The following RIMBP2 variants were observed in gnomAD, a reference collection of about 807,000 sequenced individuals.
The protein encoded by RIMBP2 is RIMS-binding protein 2.
In RIMBP2, 48 loss-of-function variants were observed where a neutral mutation model predicts 118.6. The ratio of observed to expected loss-of-function variants is 0.40; its 90% CI spans 0.32 to 0.51. The LOEUF (loss-of-function observed/expected upper bound fraction) is 0.51, where lower values mean the gene tolerates loss of function less well. RIMBP2 is among the 20% of genes least tolerant of loss of function. RIMBP2 has a pLI of 0.41. For missense variants in RIMBP2, 1,551 were observed against 1,768.3 expected (o/e 0.88, Z 2.20); for synonymous variants, 762 against 742.9 (o/e 1.03, Z -0.42).
chr12:130,636,382 ATG>A (rs2062350263), intron 1 of RIMBP2, among the ~76,000 whole-genome samples: 1 of 152,096 alleles, frequency 6.6e-6, no homozygotes, highest in Non-Finnish European at 1.5e-5. Flanking sequence ...TGGCGGTTGT[ATG>A]TATCTTATTT....
At chr12:130,712,899 C>T (rs755776664) in intron 1 of RIMBP2, among the ~76,000 whole-genome samples, 3 of 151,998 alleles carry the variant, frequency 2.0e-5, no homozygotes, top group Admixed American at 1.3e-4. Context: ...CACCGCAGTA[C>T]GCATGGTCTT....
chr12:130,479,401 TGTGTGCCCAGCACTG>T (rs2081750139), intron 4 of RIMBP2, among the ~76,000 whole-genome samples: 1 of 152,244 alleles, frequency 6.6e-6, no homozygotes, highest in Admixed American at 6.5e-5. Flanking sequence ...GATGCTGCCC[TGTGTGCCCAGCACTG>T]GTTCAGGGTT....
At chr12:130,600,696 TAC>T (rs1360288302) in intron 2 of RIMBP2, among the ~76,000 whole-genome samples, 1 of 152,148 alleles carries the variant, frequency 6.6e-6, no homozygotes, top group African/African-American at 2.4e-5. Context: ...ACTTCTCCCC[TAC>T]ACAAAAACAT....
intron 1 of RIMBP2, among the ~76,000 whole-genome samples, chr12:130,705,442 C>T (rs1405286803): frequency 6.6e-6 from 1 of 152,210 alleles, no homozygotes; most frequent in Non-Finnish European, 1.5e-5. Context: ...CCCCATTTGT[C>T]ATGTCCGTGA....
intron 18 of RIMBP2, 67 bp from the exon 19 acceptor site, chr12:130,412,854 T>C: frequency 7.1e-7 from 1 of 1,408,708 alleles, no homozygotes; most frequent in Non-Finnish European, 9.7e-7. Flanking sequence ...ATAGTCCCAC[T>C]GACGGTAAGT....
At chr12:130,412,311 C>T (rs944264967) in intron 19 of RIMBP2, among the ~76,000 whole-genome samples, 7 of 152,156 alleles carry the variant, frequency 4.6e-5, no homozygotes, top group Admixed American at 2.0e-4. Context: ...TACCAGAAAG[C>T]AGCTAATCAT....
chr12:130,529,001 T>C (rs1469122431), intron 2 of RIMBP2, among the ~76,000 whole-genome samples: 2 of 152,214 alleles, frequency 1.3e-5, no homozygotes, highest in African/African-American at 4.8e-5. Flanking sequence ...TATATACAAA[T>C]GTCACGGCAG....
intron 4 of RIMBP2, among the ~76,000 whole-genome samples, chr12:130,495,979 C>T (rs1297596020): frequency 2.6e-5 from 4 of 152,198 alleles, no homozygotes; most frequent in Non-Finnish European, 5.9e-5. Context: ...CTGAGATCAA[C>T]GGGAACGTCC....
chr12:130,439,646 TG>T (rs141179900), intron 11 of RIMBP2, among the ~76,000 whole-genome samples: 19,266 of 57,034 alleles, frequency 0.34, 4,009 homozygotes, highest in East Asian at 0.69. Context: ...TGGGTGTGTG[TG>T]GGGGGGATGT....
chr12:130,663,152 G>A (rs1171442519), intron 1 of RIMBP2, among the ~76,000 whole-genome samples: 3 of 152,172 alleles, frequency 2.0e-5, no homozygotes, highest in African/African-American at 7.2e-5. Flanking sequence ...CAAGTATCAA[G>A]AGGATAACAG....
intron 4 of RIMBP2, among the ~76,000 whole-genome samples, chr12:130,480,190 T>C (rs2081841532): frequency 9.0e-6 from 1 of 111,062 alleles, no homozygotes; most frequent in Non-Finnish European, 1.9e-5. Context: ...CATTGTCATT[T>C]CCTTTCATAC....
chr12:130,676,784 C>T (rs1305858191), intron 1 of RIMBP2, among the ~76,000 whole-genome samples: 2 of 152,192 alleles, frequency 1.3e-5, no homozygotes, highest in African/African-American at 2.4e-5. Flanking sequence ...CACAGGCTTC[C>T]TGCCGATCCC....
At chr12:130,636,827 C>T (rs1041572062) in intron 1 of RIMBP2, among the ~76,000 whole-genome samples, 1 of 152,180 alleles carries the variant, frequency 6.6e-6, no homozygotes, top group African/African-American at 2.4e-5. Flanking sequence ...AAGCTGGATA[C>T]CTACAGCTGG....
chr12:130,515,660 T>C (rs1311871478), intron 3 of RIMBP2, among the ~76,000 whole-genome samples: 2 of 150,830 alleles, frequency 1.3e-5, no homozygotes, highest in Non-Finnish European at 1.5e-5. Context: ...CTACTATAAA[T>C]TTGTAACATG....
At chr12:130,455,218 C>A (rs780010886) in intron 7 of RIMBP2, among the ~76,000 whole-genome samples, 1 of 152,242 alleles carries the variant, frequency 6.6e-6, no homozygotes, top group Non-Finnish European at 1.5e-5. Context: ...GAACGGAAAC[C>A]GTCTTGTTTT....
intron 2 of RIMBP2, among the ~76,000 whole-genome samples, chr12:130,540,535 A>G (rs1479866314): frequency 6.6e-6 from 1 of 152,166 alleles, no homozygotes; most frequent in Non-Finnish European, 1.5e-5. Flanking sequence ...CCCAGATAGC[A>G]TCATGGAACT....
chr12:130,597,233 TTTTTA>T (rs2059614439), intron 2 of RIMBP2, among the ~76,000 whole-genome samples: 1 of 152,088 alleles, frequency 6.6e-6, no homozygotes, highest in African/African-American at 2.4e-5. Flanking sequence ...AAGCCCATCG[TTTTTA>T]TTTTTATTTA....
intron 1 of RIMBP2, among the ~76,000 whole-genome samples, chr12:130,671,834 C>G (rs1316324402): frequency 6.6e-6 from 1 of 152,062 alleles, no homozygotes; most frequent in Non-Finnish European, 1.5e-5. Flanking sequence ...CTGAAATGGC[C>G]TCCTCCAAGT....
intron 4 of RIMBP2, among the ~76,000 whole-genome samples, chr12:130,503,453 T>C (rs995462199): frequency 4.0e-5 from 6 of 151,844 alleles, no homozygotes; most frequent in Non-Finnish European, 8.8e-5. Context: ...GTTCTTCCCA[T>C]ATATGGGGCA....
Sources: gnomAD v4.1 joint callset for allele counts (sites outside exome capture counted in the v4.1 genomes callset) on GRCh38, gnomAD v4.1.1 for gene constraint, MANE v1.5 for transcripts, NCBI Gene and HGNC (gene_info 2026-07-23, HGNC 2026-07-21) for gene names.